The following NOS1 variants were observed in gnomAD, a reference collection of about 807,000 sequenced individuals.
NOS1 encodes the protein NOS type I.
A neutral mutation model predicts 164.5 loss-of-function variants in NOS1; 51 were observed. The observed-to-expected ratio is 0.31, with a 90% CI of 0.25 to 0.39. The LOEUF (loss-of-function observed/expected upper bound fraction) is 0.39, where lower values mean the gene tolerates loss of function less well. NOS1 is among the 10% of genes least tolerant of loss of function. The probability of loss-of-function intolerance (pLI) is 1.00; values close to 1 mark genes in which losing one functional copy is unlikely to be tolerated. For synonymous variants in NOS1, 719 were observed against 745.8 expected (o/e 0.96, Z 0.59); for missense variants, 1,362 against 1,885.6 (o/e 0.72, Z 5.14).
intron 9 of NOS1, among the ~76,000 whole-genome samples, chr12:117,275,723 T>G (rs922018860): frequency 1.3e-5 from 2 of 152,232 alleles, no homozygotes; most frequent in African/African-American, 4.8e-5. Flanking sequence ...CACTATACAT[T>G]ATATGTATTA....
chr12:117,281,434 C>T (rs1057073880), intron 7 of NOS1, among the ~76,000 whole-genome samples: 8 of 143,212 alleles, frequency 5.6e-5, no homozygotes, highest in African/African-American at 1.5e-4. Flanking sequence ...GCAGAAGAAT[C>T]GCTTGAACCT....
intron 3 of NOS1, among the ~76,000 whole-genome samples, chr12:117,301,574 C>A (rs1458703397): frequency 6.6e-6 from 1 of 152,100 alleles, no homozygotes; most frequent in Non-Finnish European, 1.5e-5. Context: ...CGTGGCTATC[C>A]CCAAATTAAT....
chr12:117,317,658 T>A (rs1874727463), intron 2 of NOS1, among the ~76,000 whole-genome samples: 1 of 152,040 alleles, frequency 6.6e-6, no homozygotes, highest in Admixed American at 6.6e-5. Context: ...CTGCAAGGAC[T>A]TATTTACCAG....
intron 3 of NOS1, chr12:117,305,169 G>C (rs1178132419): frequency 1.3e-6 from 1 of 765,922 alleles, no homozygotes; most frequent in Non-Finnish European, 1.6e-6. Flanking sequence ...TGGAAGGATA[G>C]AAGCTGATTC....
In NOS1 at chr12:117,234,300, T is replaced by C. The variant is rs1324827513; in HGVS notation, c.3235+265A>G. ...AATGGCTACTGCTAAAGTCCGTGTC[T>C]AGTCAATGAAGGAAGGTAGCAGCCC... On this transcript the variant is annotated intron_variant, in intron 21 of 28. Coordinates refer to ENST00000317775, the MANE Select transcript of NOS1 (RefSeq NM_000620.5). The surrounding 1 kb of genome is among the most constrained non-coding windows in gnomAD (Gnocchi z 4.3). Among the ~76,000 whole-genome samples, 1 of 152,180 alleles carries C rather than the reference T, an allele frequency of 6.6e-6. No homozygotes were observed. The highest frequency in any genetic ancestry group is 1.9e-4 in the East Asian group (1 of 5,198).
At chr12:117,297,465 C>T (rs919650283) in intron 3 of NOS1, among the ~76,000 whole-genome samples, 10 of 152,126 alleles carry the variant, frequency 6.6e-5, no homozygotes, top group African/African-American at 2.2e-4. Flanking sequence ...GATCTCAGCT[C>T]ACTGCAACCT....
chr12:117,302,151 A>G (rs1362235877), intron 3 of NOS1: 2 of 455,050 alleles, frequency 4.4e-6, no homozygotes, highest in Non-Finnish European at 8.8e-6. Context: ...AGTGCTTAGC[A>G]CAGTACCTGA....
chr12:117,258,548 A>G, intron 15 of NOS1, 93 bp from the exon 16 acceptor site: 1 of 1,308,222 alleles, frequency 7.6e-7, no homozygotes, highest in Non-Finnish European at 1.1e-6. Flanking sequence ...GCTGTCAAAG[A>G]GGAGACTGAT....
At chr12:117,355,110 G>T (rs1876798482) in intron 1 of NOS1, among the ~76,000 whole-genome samples, 2 of 152,172 alleles carry the variant, frequency 1.3e-5, no homozygotes, top group Admixed American at 1.3e-4. Flanking sequence ...CCCAGCAGAA[G>T]CTGAAATGCT....
At chr12:117,217,101 GCA>G (rs1378994189) in intron 28 of NOS1, among the ~76,000 whole-genome samples, 3 of 152,138 alleles carry the variant, frequency 2.0e-5, no homozygotes, top group Admixed American at 6.6e-5. Flanking sequence ...TGAGACCCGG[GCA>G]CAGTCTTCTG....
chr12:117,324,135 G>T (rs1875123224), intron 2 of NOS1, among the ~76,000 whole-genome samples: 1 of 152,102 alleles, frequency 6.6e-6, no homozygotes, highest in South Asian at 2.1e-4. Flanking sequence ...AGAGCATCCT[G>T]TGGCCAGTGC....
chr12:117,212,256 C>G lies in NOS1; in HGVS notation c.*3053G>C. 2.0e-6 allele frequency: 2 copies of G among 985,308 alleles called. No individual in the cohort carries two copies. The highest frequency in any genetic ancestry group is 2.4e-6 in the Non-Finnish European group (2 of 829,918). 61.0% of individuals were successfully genotyped at this position (985,308 alleles called of 1,614,324 possible). ...GTGGGCATTGTCTCATTCAATCCAC[C>G]TTGTTATACAGGTGGGTATGCAGAC... On this transcript the variant is annotated 3_prime_UTR_variant, in exon 29 of 29. Coordinates refer to ENST00000317775, the MANE Select transcript of NOS1 (RefSeq NM_000620.5).
chr12:117,346,370 C>A (rs950134425), intron 1 of NOS1, among the ~76,000 whole-genome samples: 3 of 152,120 alleles, frequency 2.0e-5, no homozygotes, highest in African/African-American at 7.2e-5. Context: ...ACTCAGGAGG[C>A]TGAGGCAGGA....
chr12:117,228,488 C>T (rs1868899715), intron 22 of NOS1, among the ~76,000 whole-genome samples: 1 of 152,218 alleles, frequency 6.6e-6, no homozygotes, highest in East Asian at 1.9e-4. Context: ...GAGCTTGGGT[C>T]ATGTTCATGA....
At chr12:117,275,155 T>C (rs1388235098) in intron 9 of NOS1, among the ~76,000 whole-genome samples, 1 of 151,854 alleles carries the variant, frequency 6.6e-6, no homozygotes, top group East Asian at 1.9e-4. Flanking sequence ...TATACACACA[T>C]ATATATATAC....
intron 9 of NOS1, among the ~76,000 whole-genome samples, chr12:117,275,644 A>G (rs951345501): frequency 6.6e-6 from 1 of 152,190 alleles, no homozygotes; most frequent in African/African-American, 2.4e-5. Flanking sequence ...AGAAGAAAGG[A>G]TAGTGAATGT....
intron 10 of NOS1, among the ~76,000 whole-genome samples, chr12:117,271,200 G>A (rs546265945): frequency 5.9e-5 from 9 of 151,966 alleles, no homozygotes; most frequent in African/African-American, 2.2e-4. Context: ...CAGGCATCAC[G>A]AAGCCCCCCA....
intron 2 of NOS1, among the ~76,000 whole-genome samples, chr12:117,329,425 C>T (rs1005322398): frequency 6.6e-6 from 1 of 152,064 alleles, no homozygotes; most frequent in African/African-American, 2.4e-5. Context: ...AAATCTTGGC[C>T]TGGATTTTTT....
intron 7 of NOS1, among the ~76,000 whole-genome samples, chr12:117,283,054 A>ATTT (rs1383049926): frequency 4.0e-5 from 4 of 101,130 alleles, no homozygotes; most frequent in African/African-American, 1.6e-4. Context: ...ATATATATAT[A>ATTT]TATTTTTTTT....
Sources: allele counts gnomAD v4.1 joint callset (sites outside exome capture counted in the v4.1 genomes callset), GRCh38; gene constraint gnomAD v4.1.1; non-coding constraint Gnocchi (gnomAD v3.1); transcripts MANE v1.5; gene names NCBI Gene and HGNC (gene_info 2026-07-23, HGNC 2026-07-21).